Variants in KIF27 observed in about 807,000 individuals in gnomAD.
The protein encoded by KIF27 is kinesin family member 27.
A neutral mutation model predicts 141.8 loss-of-function variants in KIF27; 84 were observed. The observed-to-expected ratio is 0.59, with a 90% CI of 0.50 to 0.71. KIF27 has a LOEUF of 0.71. KIF27 is among the 30% of genes least tolerant of loss of function. The probability of loss-of-function intolerance (pLI) is 0.00; values close to 1 mark genes in which losing one functional copy is unlikely to be tolerated. For synonymous variants in KIF27, 471 were observed against 569.5 expected (o/e 0.83, Z 2.46); for missense variants, 1,306 against 1,628.4 (o/e 0.80, Z 3.41).
intron 2 of KIF27, among the ~76,000 whole-genome samples, chr9:83,909,871 T>C (rs1188656843): frequency 1.3e-5 from 2 of 152,050 alleles, no homozygotes; most frequent in Non-Finnish European, 2.9e-5. Context: ...GAGACAAGCC[T>C]GGGCAACATG....
chr9:83,912,335 T>A (rs556607730), intron 2 of KIF27, among the ~76,000 whole-genome samples: 6 of 152,250 alleles, frequency 3.9e-5, no homozygotes, highest in African/African-American at 1.4e-4. Flanking sequence ...TCAACTTTGA[T>A]GGCTGCCTTT....
intron 10 of KIF27, among the ~76,000 whole-genome samples, chr9:83,881,977 T>A (rs1356882384): frequency 2.0e-5 from 3 of 152,066 alleles, no homozygotes; most frequent in African/African-American, 7.2e-5. Flanking sequence ...AAAATATAGG[T>A]TTTAGAAGTT....
At chr9:83,863,426 G>A (rs1245223310) in intron 13 of KIF27, among the ~76,000 whole-genome samples, 2 of 152,162 alleles carry the variant, frequency 1.3e-5, no homozygotes, top group African/African-American at 2.4e-5. Context: ...TGCATCTATT[G>A]AGATAATCAT....
intron 16 of KIF27, among the ~76,000 whole-genome samples, chr9:83,848,111 T>G (rs1309391482): frequency 1.5e-5 from 1 of 66,176 alleles, no homozygotes; most frequent in African/African-American, 8.9e-5. Flanking sequence ...TGATATCTCA[T>G]ATCTGATATA....
At chr9:83,845,738 CGGTTATATACCAATTCATG>C (rs1488874378) in intron 16 of KIF27, among the ~76,000 whole-genome samples, 2 of 152,124 alleles carry the variant, frequency 1.3e-5, no homozygotes, top group Non-Finnish European at 2.9e-5. Flanking sequence ...GCCAGATATG[CGGTTATATACCAATTCATG>C]GGCTGTAGCC....
intron 8 of KIF27, among the ~76,000 whole-genome samples, chr9:83,887,422 A>G (rs1448529176): frequency 6.6e-6 from 1 of 152,204 alleles, no homozygotes; most frequent in Non-Finnish European, 1.5e-5. Flanking sequence ...GTATGTATAT[A>G]TTCTTTCTTA....
chr9:83,902,176 C>A (rs1953978609), intron 4 of KIF27, among the ~76,000 whole-genome samples: 1 of 152,036 alleles, frequency 6.6e-6, no homozygotes, highest in South Asian at 2.1e-4. Context: ...GGAAATATGT[C>A]TAGCTAGATA....
At chr9:83,877,570 C>T (rs777384254) in intron 11 of KIF27, among the ~76,000 whole-genome samples, 1 of 152,104 alleles carries the variant, frequency 6.6e-6, no homozygotes, top group Non-Finnish European at 1.5e-5. Context: ...TAGCAGAAAA[C>T]ATAAATCTTC....
Position 83,915,522 on chromosome 9 carries a change from G to A in KIF27, c.70C>T (p.His24Tyr). 1 of 1,613,802 alleles carries A rather than the reference G, an allele frequency of 6.2e-7. No homozygotes were observed. The highest frequency in any genetic ancestry group is 8.5e-7 in the Non-Finnish European group (1 of 1,179,812). The stretch of plus-strand genomic sequence containing the variant: ...GGAATAACTCTCACACAAACTTGAT[G>A]ATTATGAAGAGCTTCTTTGCAAAGC... ...PLLCKEALHN[H>Y]QVCVRVIPNS... is the part of the protein sequence containing the mutation. Residue 24 changes from histidine (H) to tyrosine (Y), a missense_variant, in exon 2 of 18, where the codon CAT (histidine) becomes TAT (tyrosine). Physicochemically the swap from His to Tyr is moderately conservative, Grantham distance 83. Transcript: ENST00000297814.
intron 5 of KIF27, among the ~76,000 whole-genome samples, chr9:83,893,029 G>C (rs1407655134): frequency 6.6e-6 from 1 of 152,198 alleles, no homozygotes; most frequent in East Asian, 1.9e-4. Context: ...GAGCCCAAGA[G>C]TTTGAGAGCA....
rs373629317 is a variant in KIF27 at position 83,848,185 on chromosome 9, GAT to G, written c.3556+1912_3556+1913del. Among the ~76,000 whole-genome samples, 30 of 28,172 alleles carry G rather than the reference GAT, an allele frequency of 1.1e-3. 9 individuals are homozygous for G. The highest frequency in any genetic ancestry group is 1.4e-3 in the Non-Finnish European group (23 of 16,312). The allele number at this position is 28,172 out of a possible 152,430, so 18.5% of individuals were successfully genotyped here. A position where few individuals can be genotyped will look rare whatever the true frequency, so the allele number is the denominator to read the frequency against. On this transcript the variant is annotated intron_variant, in intron 16 of 17. Transcript: ENST00000297814. ...ATGATATATCTGATATATCATATAT[GAT>G]ATATATGATATATCAGATATGATAT...
At chr9:83,888,790 C>A (rs1952370401) in intron 7 of KIF27, among the ~76,000 whole-genome samples, 198 bp from the exon 8 acceptor site, 3 of 132,568 alleles carry the variant, frequency 2.3e-5, no homozygotes, top group African/African-American at 2.8e-5. Context: ...TGTTTGTTGC[C>A]AACGTGGCAG....
At chr9:83,892,042 AT>A (rs1289411714) in intron 5 of KIF27, among the ~76,000 whole-genome samples, 1 of 152,236 alleles carries the variant, frequency 6.6e-6, no homozygotes, top group South Asian at 2.1e-4. Context: ...GGCAGAACAA[AT>A]TGTGTATCAG....
chr9:83,869,116 G>A (rs1369188994), intron 12 of KIF27, among the ~76,000 whole-genome samples: 1 of 152,064 alleles, frequency 6.6e-6, no homozygotes, highest in Non-Finnish European at 1.5e-5. Flanking sequence ...AATTACAACT[G>A]GTGATGACAT....
At chr9:83,909,772 C>T (rs1357592454) in intron 2 of KIF27, among the ~76,000 whole-genome samples, 2 of 151,860 alleles carry the variant, frequency 1.3e-5, no homozygotes. Flanking sequence ...CATTTTATTC[C>T]ATAAATAGGC....
chr9:83,900,926 G>A lies in KIF27; in HGVS notation c.1459-1122C>T, dbSNP rs139497481. Among the ~76,000 whole-genome samples the A allele has an allele frequency of 1.9e-4, 29 of 151,368 alleles. No homozygotes were observed. In the East Asian group the frequency reaches 5.6e-3, roughly 29 times the overall value. Reference sequence around the variant, plus strand: ...AAGAACTAAAAAAAAGATTTAAAAAGTATTACCTTACCTGTTTTTATGCTA... The same window carrying A: ...AAGAACTAAAAAAAAGATTTAAAAAATATTACCTTACCTGTTTTTATGCTA... On this transcript the variant is annotated intron_variant, in intron 4 of 17. Transcript: ENST00000297814.
chr9:83,880,001 A>G, intron 11 of KIF27: 1 of 506,030 alleles, frequency 2.0e-6, no homozygotes, highest in East Asian at 2.9e-5. Context: ...TTATTTAGAA[A>G]GTTGGCTTTA....
Position 83,842,252 on chromosome 9 carries a change from G to A in KIF27, c.3706C>T (p.Leu1236=), listed in dbSNP as rs375589120. 12 of 1,562,598 alleles carry A rather than the reference G, an allele frequency of 7.7e-6. No individual in the cohort carries two copies. Among genetic ancestry groups the A allele is most frequent in the African/African-American group, 1.4e-5 (1 of 71,612 alleles). ...ELVGEAIRRQ[L]APSEYQEAGD... ...AAAGTCTTACACTCTGATGGTGCTA[G>A]TTGCCGCCGAATTGCTTCCCCTACC... Residue 1236 remains leucine (L), a synonymous_variant, in exon 17 of 18, where the codon CTA becomes TTA. Transcript: ENST00000297814.
rs535938692 is a variant in KIF27, at chr9:83,856,843, G to C, written c.3150+2313C>G. 2.7e-5 allele frequency among the ~76,000 whole-genome samples: 4 copies of C among 150,268 alleles called. No homozygotes were observed. The South Asian group carries it at 8.4e-4, about 32-fold the overall frequency. ...GAGAATTGCTTGAACCCAGGAGATG[G>C]AGGCAGTGAGCCGAGATCGCACCAC... On this transcript the variant is annotated intron_variant, in intron 14 of 17. Coordinates refer to ENST00000297814, the MANE Select transcript of KIF27 (RefSeq NM_017576.4).
Sources: gnomAD v4.1 joint callset for allele counts (sites outside exome capture counted in the v4.1 genomes callset) on GRCh38, gnomAD v4.1.1 for gene constraint, MANE v1.5 for transcripts, NCBI Gene and HGNC (gene_info 2026-07-23, HGNC 2026-07-21) for gene names.